DDX6: variants seen among roughly 807,000 people sequenced by gnomAD.
The protein encoded by DDX6 is probable ATP-dependent RNA helicase DDX6.
DDX6 carries 7 observed loss-of-function variants against 60.6 expected under a neutral mutation model. The ratio of observed to expected loss-of-function variants is 0.12; its 90% CI spans 0.07 to 0.22. The LOEUF is 0.22. Among genes scored for constraint, DDX6 ranks in the 10% least tolerant of loss-of-function variants. The pLI is 1.00. For missense variants in DDX6, 270 were observed against 589.9 expected, an observed-to-expected ratio of 0.46 and a Z score of 5.62; for synonymous variants, 207 against 201.0, an observed-to-expected ratio of 1.03 and a Z score of -0.25.
At chr11:118,767,626 C>CTTTTTTTTTTTTTTTTTTT (rs5795138) in intron 5 of DDX6, 3 of 88,722 alleles carry the variant, frequency 3.4e-5, no homozygotes, top group Admixed American at 1.6e-4. Context: ...CCTCAGCCGC[C>CTTTTTTTTTTTTTTTTTTT]TTTTTTTTTT....
In DDX6 at chr11:118,759,665, A is replaced by G. The variant is rs191869725; in HGVS notation, c.864+257T>C. Among the ~76,000 whole-genome samples, 429 of 152,358 alleles carry G rather than the reference A, an allele frequency of 2.8e-3. 4 individuals are homozygous for G. Among genetic ancestry groups the G allele is most frequent in the African/African-American group, 9.0e-3 (373 of 41,578 alleles). ...GAATAATACCGGAATCAATTCAGCT[A>G]GCACCAATGGCTATGTCATCATGAC... On this transcript the variant is annotated intron_variant, in intron 8 of 13. Coordinates refer to ENST00000534980, the MANE Select transcript of DDX6 (RefSeq NM_004397.6).
intron 7 of DDX6, among the ~76,000 whole-genome samples, chr11:118,760,631 A>C (rs1202896905): frequency 6.7e-6 from 1 of 149,308 alleles, no homozygotes; most frequent in Non-Finnish European, 1.5e-5. Context: ...GACCAGCCTG[A>C]CCAACATGGT....
chr11:118,763,095 ATTGT>A (rs1256745387), intron 7 of DDX6, 113 bp downstream of exon 7: 18 of 637,324 alleles, frequency 2.8e-5, no homozygotes, highest in African/African-American at 2.7e-4. Context: ...ATTTAAACTG[ATTGT>A]TTATGTGTTT....
rs527413509 is a variant in DDX6 at position 118,750,545 on chromosome 11, C to T, written c.*1560G>A. The T allele has an allele frequency of 6.6e-6, 1 of 152,136 alleles. No individual in the cohort carries two copies. The highest frequency in any genetic ancestry group is 1.5e-5 in the Non-Finnish European group (1 of 68,036). The allele number at this position is 152,136 out of a possible 1,614,324, so 9.4% of individuals were successfully genotyped here. ...CAGAGGGCAACACATTTACACACTA[C>T]AGGAAATGATCCACAGAAAATTAAG... On this transcript the variant is annotated 3_prime_UTR_variant, in exon 14 of 14. Transcript: ENST00000534980.
chr11:118,781,546 C>G (rs183519517), intron 2 of DDX6, among the ~76,000 whole-genome samples: 3 of 152,288 alleles, frequency 2.0e-5, no homozygotes, highest in African/African-American at 7.2e-5. Flanking sequence ...TATATAACTC[C>G]TGGGCTCAAG....
intron 1 of DDX6, chr11:118,790,068 G>A (rs1249279506): frequency 2.0e-5 from 3 of 152,170 alleles, no homozygotes; most frequent in Admixed American, 1.3e-4. Context: ...TCGCCAACAA[G>A]AGCTTTTGTT....
chr11:118,753,336 C>CTTTT (rs34191912), intron 13 of DDX6, among the ~76,000 whole-genome samples: 5 of 67,412 alleles, frequency 7.4e-5, no homozygotes, highest in Admixed American at 1.9e-4. Context: ...GCCCAAGTGG[C>CTTTT]TTTTTTTTTT....
Position 118,759,310 on chromosome 11 carries a change from G to A in DDX6, c.865-408C>T, listed in dbSNP as rs142952334. 1,187 of 156,922 alleles carry A rather than the reference G, an allele frequency of 7.6e-3. 74 individuals are homozygous for A. In the East Asian group the frequency reaches 0.14, roughly 18 times the overall value. The allele number at this position is 156,922 out of a possible 1,614,324, so 9.7% of individuals were successfully genotyped here. A position where few individuals can be genotyped will look rare whatever the true frequency, so the allele number is the denominator to read the frequency against. On this transcript the variant is annotated intron_variant, in intron 8 of 13. Transcript: ENST00000534980. ...CCTGACCTTGTGATCTGCCCGCCTC[G>A]GCCCCCCAAAGTGCTGGGATTACAG...
rs1591912196 is a variant in DDX6, at chr11:118,774,064, G to A, written c.369+5568C>T. The stretch of plus-strand genomic sequence containing the variant: ...CTGGCACAAAATTTTGTTGCCAACA[G>A]TACGGAGCTTCCATGTTTCCCTCAA... On this transcript the variant is annotated intron_variant, in intron 4 of 13. Transcript: ENST00000534980. 3.9e-5 allele frequency among the ~76,000 whole-genome samples: 6 copies of A among 152,212 alleles called. 1 individual carries two copies. In the South Asian group the frequency reaches 1.2e-3, roughly 32 times the overall value.
intron 1 of DDX6, 146 bp from the exon 2 acceptor site, chr11:118,786,664 T>G (rs1002114526): frequency 1.7e-5 from 3 of 173,760 alleles, no homozygotes; most frequent in Admixed American, 6.3e-5. Flanking sequence ...CGAGCCAAGC[T>G]AGGATAGACA....
chr11:118,775,727 C>T (rs1555163490), intron 4 of DDX6, among the ~76,000 whole-genome samples: 1 of 152,174 alleles, frequency 6.6e-6, no homozygotes, highest in Admixed American at 6.5e-5. Context: ...GGTTAAGTGG[C>T]TGAAGAGTTA....
Position 118,754,901 on chromosome 11 carries a change from G to A in DDX6, c.1277-14C>T. 1.3e-6 allele frequency: 2 copies of A among 1,568,484 alleles called. No homozygotes were observed. The highest frequency in any genetic ancestry group is 1.7e-6 in the Non-Finnish European group (2 of 1,158,292). ...GACCAAAGCGACCTAAAAAACATGC[G>A]TTTAAAAATTTTAATGAATAAAATA... On this transcript the variant is annotated splice_polypyrimidine_tract_variant and intron_variant, in intron 12 of 13. Coordinates refer to ENST00000534980, the MANE Select transcript of DDX6 (RefSeq NM_004397.6).
At chr11:118,781,819 T>C (rs1230698119) in intron 2 of DDX6, among the ~76,000 whole-genome samples, 2 of 151,512 alleles carry the variant, frequency 1.3e-5, no homozygotes, top group African/African-American at 4.9e-5. Context: ...TCCCAGCTAC[T>C]CGGGAGGCTG....
At position 118,751,999 on chromosome 11, in the gene DDX6, A is replaced by T; in HGVS notation, c.*106T>A. ...TGTCTGAGCTCTTTTAAGTCTTCAT[A>T]GTTCCAAAATAAAAGATGAAAAACC... On this transcript the variant is annotated 3_prime_UTR_variant, in exon 14 of 14. Transcript: ENST00000534980. 1 of 332,180 alleles carries T rather than the reference A, an allele frequency of 3.0e-6. No homozygotes were observed. The highest frequency in any genetic ancestry group is 2.3e-5 in the South Asian group (1 of 42,600). The allele number at this position is 332,180 out of a possible 1,614,324, so 20.6% of individuals were successfully genotyped here. A position where few individuals can be genotyped will look rare whatever the true frequency, so the allele number is the denominator to read the frequency against.
At chr11:118,777,910 AAAAAC>A (rs1290699520) in intron 4 of DDX6, among the ~76,000 whole-genome samples, 2 of 151,036 alleles carry the variant, frequency 1.3e-5, no homozygotes, top group Non-Finnish European at 1.5e-5. Context: ...AAAAAAAAAA[AAAAAC>A]CAAGAAAGTA....
At position 118,757,246 on chromosome 11, in the gene DDX6, C is replaced by G. The variant is rs782353147; in HGVS notation, c.1035G>C (p.Gln345His). 6.3e-7 allele frequency: 1 copy of G among 1,583,824 alleles called. No individual in the cohort carries two copies. The highest frequency in any genetic ancestry group is 1.4e-5 in the African/African-American group (1 of 73,654). Residue 345 changes from glutamine to histidine, a missense_variant, in exon 10 of 14, where the codon CAG becomes CAC. Around this residue, in one of 8 missense-constraint regions of DDX6, gnomAD observed 69 missense variants for 208.2 expected, o/e 0.33. Coordinates refer to ENST00000534980, the MANE Select transcript of DDX6 (RefSeq NM_004397.6). The stretch of plus-strand genomic sequence containing the variant: ...TCTTCTTGGCTAGCAATTCAACTCG[C>G]TGAGAGGAGTTACAGAAAATGATCG... ...NQSIIFCNSS[Q>H]RVELLAKKIS...
At chr11:118,769,051 G>T (rs1327813200) in intron 4 of DDX6, among the ~76,000 whole-genome samples, 3 of 144,864 alleles carry the variant, frequency 2.1e-5, no homozygotes, top group East Asian at 4.1e-4. Context: ...CACCATTATG[G>T]GAGGCCAAAG....
intron 7 of DDX6, among the ~76,000 whole-genome samples, chr11:118,761,799 A>G (rs1463746769): frequency 1.3e-5 from 2 of 151,810 alleles, no homozygotes; most frequent in Non-Finnish European, 2.9e-5. Context: ...TTGGATGTCT[A>G]CATACTATAG....
At chr11:118,768,406 T>C in intron 4 of DDX6, 54 bp from the exon 5 acceptor site, 1 of 1,588,502 alleles carries the variant, frequency 6.3e-7, no homozygotes, top group East Asian at 2.2e-5. Flanking sequence ...CACAAGCAAA[T>C]TCCTCTCTGA....
Sources: allele counts gnomAD v4.1 joint callset (sites outside exome capture counted in the v4.1 genomes callset), GRCh38; gene constraint gnomAD v4.1.1; regional missense constraint gnomAD v4.1.1; transcripts MANE v1.5; gene names NCBI Gene and HGNC (gene_info 2026-07-23, HGNC 2026-07-21).